CDK17: variants seen among roughly 807,000 people sequenced by gnomAD.
CDK17 encodes the protein cyclin dependent kinase 17.
In CDK17, 24 loss-of-function variants were observed where a neutral mutation model predicts 77.6. The observed-to-expected ratio is 0.31, with a 90% confidence interval of 0.22 to 0.44. The LOEUF (loss-of-function observed/expected upper bound fraction) is 0.44. Ranked by LOEUF, CDK17 falls within the 20% of genes least tolerant of loss-of-function variation. The pLI is 1.00. For missense variants in CDK17, 429 were observed against 622.5 expected (o/e 0.69, Z 3.31); for synonymous variants, 203 against 210.4 (o/e 0.96, Z 0.30).
chr12:96,353,450 T>C (rs1016345634), intron 1 of CDK17, among the ~76,000 whole-genome samples: 3 of 152,160 alleles, frequency 2.0e-5, no homozygotes, highest in African/African-American at 7.2e-5. Context: ...TACTTCTTCA[T>C]CAAGAACATT....
In CDK17 at chr12:96,346,913, CAA is replaced by C. The variant is rs35225386; in HGVS notation, c.-29-12050_-29-12049del. On this transcript the variant is annotated intron_variant, in intron 1 of 16. Transcript: ENST00000261211. Reference sequence around the variant, plus strand: ...CTGGTGAGGGAGGGAGACTCTGTCTCAAAAAAAAAAAAGAGAGAGAAGCACTT... The same window carrying C: ...CTGGTGAGGGAGGGAGACTCTGTCTCAAAAAAAAAAGAGAGAGAAGCACTT... Among the ~76,000 whole-genome samples, 624 of 130,806 alleles carry C rather than the reference CAA, an allele frequency of 4.8e-3. 4 individuals are homozygous for C. The highest frequency in any genetic ancestry group is 0.029 in the Middle Eastern group (7 of 244). The allele number at this position is 130,806 out of a possible 152,430, so 85.8% of individuals were successfully genotyped here.
chr12:96,328,811 C>T, intron 2 of CDK17, among the ~76,000 whole-genome samples: 1 of 151,998 alleles, frequency 6.6e-6, no homozygotes, highest in Non-Finnish European at 1.5e-5. Flanking sequence ...GAGTAGTCAA[C>T]ATATATATGG....
intron 1 of CDK17, among the ~76,000 whole-genome samples, chr12:96,393,573 A>T (rs996294750): frequency 3.3e-5 from 5 of 151,928 alleles, no homozygotes; most frequent in Non-Finnish European, 7.4e-5. Context: ...TCTCTACTAA[A>T]AACACAAAAC....
At position 96,278,376 on chromosome 12, in the gene CDK17, A is replaced by G. The variant is rs1952132546; in HGVS notation, c.*1866T>C. On this transcript the variant is annotated 3_prime_UTR_variant, in exon 17 of 17. Transcript: ENST00000261211. The stretch of plus-strand genomic sequence containing the variant: ...ACAAATTTGATACTTTATAATTGAG[A>G]GTGCTATAAAAAAAACCCAGCAGAA... 1 of 152,126 alleles carries G rather than the reference A, an allele frequency of 6.6e-6. No individual in the cohort carries two copies. Among genetic ancestry groups the G allele is most frequent in the African/African-American group, 2.4e-5 (1 of 41,432 alleles). The allele number at this position is 152,126 out of a possible 1,614,324, so 9.4% of individuals were successfully genotyped here.
intron 12 of CDK17, 23 bp downstream of exon 12, chr12:96,286,641 T>TG (rs1952250255): frequency 6.4e-7 from 1 of 1,565,664 alleles, no homozygotes; most frequent in Admixed American, 1.7e-5. Context: ...GCAAAATCAC[T>TG]GGGAAAAGAT....
chr12:96,387,728 G>A (rs1199390193), intron 1 of CDK17, among the ~76,000 whole-genome samples: 1 of 152,144 alleles, frequency 6.6e-6, no homozygotes, highest in Non-Finnish European at 1.5e-5. Context: ...AATCACTTGT[G>A]TCCAGGAGTT....
intron 5 of CDK17, among the ~76,000 whole-genome samples, chr12:96,306,638 A>G (rs1216918573): frequency 3.3e-5 from 5 of 152,114 alleles, no homozygotes; most frequent in Non-Finnish European, 7.4e-5. Flanking sequence ...CTTTACACAT[A>G]AACCAAGGGT....
chr12:96,283,742 T>G, intron 13 of CDK17, 97 bp from the exon 14 acceptor site: 1 of 764,990 alleles, frequency 1.3e-6, no homozygotes, highest in Non-Finnish European at 2.2e-6. Context: ...CTGCTAAATT[T>G]AAATGCCCTA....
At chr12:96,306,643 A>T (rs2137096763) in intron 5 of CDK17, among the ~76,000 whole-genome samples, 1 of 152,254 alleles carries the variant, frequency 6.6e-6, no homozygotes, top group East Asian at 1.9e-4. Context: ...CACATAAACC[A>T]AGGGTCCAGA....
At chr12:96,282,291 G>A in intron 15 of CDK17, 1 of 445,766 alleles carries the variant, frequency 2.2e-6, no homozygotes, top group Non-Finnish European at 4.0e-6. Flanking sequence ...AGTACTATTG[G>A]TTTCCTACAG....
chr12:96,375,495 A>G (rs894273356), intron 1 of CDK17, among the ~76,000 whole-genome samples: 1 of 135,430 alleles, frequency 7.4e-6, no homozygotes, highest in Non-Finnish European at 1.6e-5. Context: ...CCAAATTTCC[A>G]TCTCTGATCC....
At chr12:96,344,100 A>G (rs1348520020) in intron 1 of CDK17, among the ~76,000 whole-genome samples, 3 of 152,220 alleles carry the variant, frequency 2.0e-5, no homozygotes, top group Admixed American at 1.3e-4. Context: ...AACAGGCAGA[A>G]AAAATGATTA....
At chr12:96,342,658 C>T (rs980415651) in intron 1 of CDK17, among the ~76,000 whole-genome samples, 1 of 152,106 alleles carries the variant, frequency 6.6e-6, no homozygotes, top group Non-Finnish European at 1.5e-5. Context: ...GTTTTTTATA[C>T]AAACACTTAA....
In CDK17 at chr12:96,278,894, TAAC is replaced by T. The variant is rs1319438723; in HGVS notation, c.*1345_*1347del. On this transcript the variant is annotated 3_prime_UTR_variant, in exon 17 of 17. Coordinates refer to ENST00000261211, the MANE Select transcript of CDK17 (RefSeq NM_002595.5). The stretch of plus-strand genomic sequence containing the variant: ...CAAAAATCCACTTAATACTGTTAAA[TAAC>T]AACAATAAACTACAAGATTTCCTGA... 3 of 152,526 alleles carry T rather than the reference TAAC, an allele frequency of 2.0e-5. No individual in the cohort carries two copies. Among genetic ancestry groups the T allele is most frequent in the African/African-American group, 4.8e-5 (2 of 41,440 alleles). 9.4% of individuals were successfully genotyped at this position (152,526 alleles called of 1,614,324 possible).
intron 5 of CDK17, among the ~76,000 whole-genome samples, chr12:96,304,394 G>A (rs1952550312): frequency 6.6e-6 from 1 of 152,100 alleles, no homozygotes; most frequent in Non-Finnish European, 1.5e-5. Context: ...AAAATTAGCT[G>A]GGTGTGGTGG....
Position 96,278,391 on chromosome 12 carries a change from AC to A in CDK17, c.*1850del, listed in dbSNP as rs1477932642. On this transcript the variant is annotated 3_prime_UTR_variant, in exon 17 of 17. Coordinates refer to ENST00000261211, the MANE Select transcript of CDK17 (RefSeq NM_002595.5). Reference sequence around the variant, plus strand: ...TATAATTGAGAGTGCTATAAAAAAAACCCAGCAGAAATTACTAAGCAAATGA... The same window carrying A: ...TATAATTGAGAGTGCTATAAAAAAAACCAGCAGAAATTACTAAGCAAATGA... 2 of 152,114 alleles carry A rather than the reference AC, an allele frequency of 1.3e-5. No homozygotes were observed. The highest frequency in any genetic ancestry group is 3.9e-4 in the East Asian group (2 of 5,192). 9.4% of individuals were successfully genotyped at this position (152,114 alleles called of 1,614,324 possible). A position where few individuals can be genotyped will look rare whatever the true frequency, so the allele number is the denominator to read the frequency against.
rs922778606 is a variant in CDK17 at position 96,279,214 on chromosome 12, C to G, written c.*1028G>C. On this transcript the variant is annotated 3_prime_UTR_variant, in exon 17 of 17. Transcript: ENST00000261211. ...AGATAATACCCACAATAATTTCAAG[C>G]AATCCTGTAAGTTCTCATTTCTCTT... is the stretch of plus-strand genomic sequence containing the variant. The G allele has an allele frequency of 7.9e-5, 12 of 152,282 alleles. No homozygotes were observed. Among genetic ancestry groups the G allele is most frequent in the Middle Eastern group, 3.4e-3 (1 of 294 alleles). The allele number at this position is 152,282 out of a possible 1,614,324, so 9.4% of individuals were successfully genotyped here. A position where few individuals can be genotyped will look rare whatever the true frequency, so the allele number is the denominator to read the frequency against.
At chr12:96,376,434 T>C (rs1159564899) in intron 1 of CDK17, among the ~76,000 whole-genome samples, 1 of 152,196 alleles carries the variant, frequency 6.6e-6, no homozygotes, top group South Asian at 2.1e-4. Context: ...GGTTTGCCAT[T>C]CTTATCAACA....
intron 2 of CDK17, among the ~76,000 whole-genome samples, chr12:96,328,851 A>G (rs752944029): frequency 5.3e-5 from 8 of 152,148 alleles, no homozygotes; most frequent in Non-Finnish European, 1.0e-4. Flanking sequence ...GGAGGAGGTC[A>G]CCCAAGGAGA....
Sources: gnomAD v4.1 joint callset for allele counts (sites outside exome capture counted in the v4.1 genomes callset) on GRCh38, gnomAD v4.1.1 for gene constraint, MANE v1.5 for transcripts, NCBI Gene and HGNC (gene_info 2026-07-23, HGNC 2026-07-21) for gene names.